Variants in TMED10 observed in about 807,000 individuals in gnomAD.
TMED10 encodes transmembrane p24 trafficking protein 10, also known as transmembrane emp24 domain-containing protein 10.
A neutral mutation model predicts 23.1 loss-of-function variants in TMED10; 7 were observed. The observed-to-expected ratio is 0.30, with a 90% confidence interval of 0.17 to 0.57. The LOEUF is 0.57. Among genes scored for constraint, TMED10 ranks in the 20% least tolerant of loss-of-function variants. The probability of loss-of-function intolerance (pLI) is 0.91; values close to 1 mark genes in which losing one functional copy is unlikely to be tolerated. For missense variants in TMED10, 162 were observed against 274.8 expected, an observed-to-expected ratio of 0.59 and a Z score of 2.90; for synonymous variants, 113 against 106.9, an observed-to-expected ratio of 1.06 and a Z score of -0.35.
intron 3 of TMED10, among the ~76,000 whole-genome samples, chr14:75,144,081 C>T (rs1222430209): frequency 2.0e-5 from 3 of 152,146 alleles, no homozygotes; most frequent in Admixed American, 6.6e-5. Flanking sequence ...AGATTGATAG[C>T]AAATGACAGA....
intron 1 of TMED10, among the ~76,000 whole-genome samples, chr14:75,175,675 G>A (rs1013028057): frequency 4.6e-5 from 7 of 151,566 alleles, no homozygotes; most frequent in Non-Finnish European, 7.4e-5. Context: ...CACCAACACG[G>A]CACATGTATA....
chr14:75,157,465 A>G (rs1896032873), intron 1 of TMED10, among the ~76,000 whole-genome samples: 2 of 152,070 alleles, frequency 1.3e-5, no homozygotes, highest in South Asian at 4.2e-4. Context: ...CAGCCTGGGC[A>G]ATATAGTGGG....
intron 1 of TMED10, among the ~76,000 whole-genome samples, chr14:75,165,176 C>T (rs1896144972): frequency 6.6e-6 from 1 of 152,150 alleles, no homozygotes; most frequent in Admixed American, 6.5e-5. Flanking sequence ...AACACCAACT[C>T]ATTAAAGATG....
At chr14:75,156,912 CA>C (rs1184374263) in intron 1 of TMED10, among the ~76,000 whole-genome samples, 2 of 33,976 alleles carry the variant, frequency 5.9e-5, no homozygotes, top group African/African-American at 2.2e-4. Flanking sequence ...GACTCCGTCT[CA>C]AAAAAAAGAA....
Position 75,132,388 on chromosome 14 carries a change from C to CCT in TMED10, c.*2496_*2497insAG. 8.6e-6 allele frequency: 1 copy of CCT among 116,142 alleles called. No individual in the cohort carries two copies. The highest frequency in any genetic ancestry group is 1.9e-5 in the Non-Finnish European group (1 of 52,308). The allele number at this position is 116,142 out of a possible 1,614,324, so 7.2% of individuals were successfully genotyped here. On this transcript the variant is annotated 3_prime_UTR_variant, in exon 5 of 5. Transcript: ENST00000303575. Reference sequence around the variant, plus strand: ...GGGCGTTGCAGCAAGACTCCGTCCCCCCCCCCCCAAAAAAAAAAAAGTTTA... The same window carrying CCT: ...GGGCGTTGCAGCAAGACTCCGTCCCCCTCCCCCCCCAAAAAAAAAAAAGTTTA...
chr14:75,163,586 A>ACAGGAATAG (rs1896112626), intron 1 of TMED10, among the ~76,000 whole-genome samples: 1 of 150,864 alleles, frequency 6.6e-6, no homozygotes. Context: ...AAGAACGGAA[A>ACAGGAATAG]CAGGAATAGC....
At chr14:75,168,454 G>C (rs1411128676) in intron 1 of TMED10, among the ~76,000 whole-genome samples, 1 of 152,126 alleles carries the variant, frequency 6.6e-6, no homozygotes, top group Non-Finnish European at 1.5e-5. Context: ...AGCATGAGGG[G>C]CTCTGAGAAG....
rs1895712142 is a variant in TMED10 at position 75,133,517 on chromosome 14, G to A, written c.*1368C>T. ...ATGCTGGTGAGGATGTGAAGAAACT[G>A]GATCAATCATACATTGCTGTCTGAA... On this transcript the variant is annotated 3_prime_UTR_variant, in exon 5 of 5. Coordinates refer to ENST00000303575, the MANE Select transcript of TMED10 (RefSeq NM_006827.6). 6.6e-6 allele frequency: 1 copy of A among 152,274 alleles called. No homozygotes were observed. The highest frequency in any genetic ancestry group is 1.9e-4 in the East Asian group (1 of 5,200). The allele number at this position is 152,274 out of a possible 1,614,324, so 9.4% of individuals were successfully genotyped here.
At chr14:75,154,470 TA>T (rs1895997752) in intron 1 of TMED10, among the ~76,000 whole-genome samples, 3 of 83,458 alleles carry the variant, frequency 3.6e-5, no homozygotes, top group Non-Finnish European at 4.8e-5. Context: ...AAAATAATAA[TA>T]AAGTTATTTT....
intron 1 of TMED10, among the ~76,000 whole-genome samples, chr14:75,154,622 C>T (rs1463069755): frequency 6.6e-6 from 1 of 151,682 alleles, no homozygotes; most frequent in African/African-American, 2.4e-5. Context: ...TGTCTTCTGC[C>T]ATCCAGCACC....
At chr14:75,176,232 T>C in intron 1 of TMED10, 123 bp downstream of exon 1, 1 of 1,256,298 alleles carries the variant, frequency 8.0e-7, no homozygotes, top group South Asian at 1.4e-5. Flanking sequence ...CGCACGTCCT[T>C]TGCGCTCCCG....
Position 75,147,654 on chromosome 14 carries a change from C to T in TMED10, c.411+10G>A, listed in dbSNP as rs367699825. ...CTGCTGCCTCCTCTGGCTGTTAGAG[C>T]AGGACATACCTCTTCGTAATTTTTC... On this transcript the variant is annotated intron_variant, in intron 3 of 4. Transcript: ENST00000303575. The T allele has an allele frequency of 5.9e-5, 96 of 1,613,826 alleles. No individual in the cohort carries two copies. The highest frequency in any genetic ancestry group is 7.8e-5 in the Non-Finnish European group (92 of 1,179,856).
chr14:75,140,880 T>C (rs1048248662), intron 3 of TMED10, among the ~76,000 whole-genome samples: 1 of 152,138 alleles, frequency 6.6e-6, no homozygotes, highest in Non-Finnish European at 1.5e-5. Flanking sequence ...ACCCCATCTC[T>C]ATTACAAAGT....
At chr14:75,171,980 G>A (rs144067564) in intron 1 of TMED10, among the ~76,000 whole-genome samples, 88 of 151,220 alleles carry the variant, frequency 5.8e-4, no homozygotes, top group African/African-American at 2.0e-3. Flanking sequence ...TGTGCAGAAC[G>A]TGCAGGTTTG....
chr14:75,143,017 C>G (rs2139836203), intron 3 of TMED10, among the ~76,000 whole-genome samples: 1 of 152,252 alleles, frequency 6.6e-6, no homozygotes, highest in Non-Finnish European at 1.5e-5. Flanking sequence ...TGCCACCACA[C>G]CCAGCTAATT....
chr14:75,135,923 C>T (rs748063369), intron 3 of TMED10, 37 bp from the exon 4 acceptor site: 2 of 1,609,522 alleles, frequency 1.2e-6, no homozygotes, highest in South Asian at 1.1e-5. Context: ...TCTCTGAAAA[C>T]ATCGCTTCAG....
Position 75,137,717 on chromosome 14 carries a change from T to TTTC in TMED10, c.412-1832_412-1831insGAA, listed in dbSNP as rs1289488977. On this transcript the variant is annotated intron_variant, in intron 3 of 4. Coordinates refer to ENST00000303575, the MANE Select transcript of TMED10 (RefSeq NM_006827.6). ...TTCTGTTTCTTTCTTTCTTTTTTTT[T>TTTC]TTTTTTTAAGGATGGAGTCTCACTC... Among the ~76,000 whole-genome samples, 87 of 150,960 alleles carry TTTC rather than the reference T, an allele frequency of 5.8e-4. 1 individual carries two copies. The highest frequency in any genetic ancestry group is 8.7e-4 in the Non-Finnish European group (59 of 67,626).
chr14:75,147,413 C>G, intron 3 of TMED10: 1 of 502,538 alleles, frequency 2.0e-6, no homozygotes, highest in Non-Finnish European at 3.6e-6. Flanking sequence ...AGGCTGGTAT[C>G]GAACTCCTGA....
At chr14:75,160,153 T>C (rs1347995003) in intron 1 of TMED10, among the ~76,000 whole-genome samples, 1 of 152,228 alleles carries the variant, frequency 6.6e-6, no homozygotes, top group East Asian at 1.9e-4. Flanking sequence ...ATGGCCTGTT[T>C]GGGCATTCTA....
Sources: gnomAD v4.1 joint callset for allele counts (sites outside exome capture counted in the v4.1 genomes callset) on GRCh38, gnomAD v4.1.1 for gene constraint, MANE v1.5 for transcripts, NCBI Gene and HGNC (gene_info 2026-07-23, HGNC 2026-07-21) for gene names.